ANXA3: variants seen among roughly 807,000 people sequenced by gnomAD.
ANXA3 encodes the protein annexin A3.
A neutral mutation model predicts 48.8 loss-of-function variants in ANXA3; 46 were observed. That is an observed-to-expected ratio of 0.94 (90% CI 0.74 to 1.21). The LOEUF (loss-of-function observed/expected upper bound fraction) is 1.21. Among genes scored for constraint, ANXA3 ranks in the 50% most tolerant of loss-of-function variants. The probability of loss-of-function intolerance (pLI) is 0.00; values close to 1 mark genes in which losing one functional copy is unlikely to be tolerated. For synonymous variants in ANXA3, 128 were observed against 134.7 expected (o/e 0.95, Z 0.35); for missense variants, 383 against 378.6 (o/e 1.01, Z -0.10).
chr4:78,601,114 G>A (rs571862392), intron 10 of ANXA3, among the ~76,000 whole-genome samples: 7 of 152,224 alleles, frequency 4.6e-5, no homozygotes, highest in South Asian at 2.1e-4. Context: ...GAGCAACATC[G>A]CTGCAGTTGT....
At chr4:78,570,480 A>G (rs938154378) in intron 2 of ANXA3, among the ~76,000 whole-genome samples, 6 of 152,192 alleles carry the variant, frequency 3.9e-5, no homozygotes, top group Non-Finnish European at 5.9e-5. Context: ...CTTCTTACAC[A>G]TGTAGAATTT....
Position 78,562,786 on chromosome 4 carries a change from G to C in ANXA3, c.15+8298G>C, listed in dbSNP as rs184507186. On this transcript the variant is annotated intron_variant, in intron 2 of 12. Transcript: ENST00000264908. The stretch of plus-strand genomic sequence containing the variant: ...AGGTGGATAATAAATATGATGGGGG[G>C]TGTGATTTTCTGCTCAGATATAGGA... Among the ~76,000 whole-genome samples, 263 of 152,254 alleles carry C rather than the reference G, an allele frequency of 1.7e-3. 2 individuals carry two copies. Among genetic ancestry groups the C allele is most frequent in the Non-Finnish European group, 6.9e-4 (47 of 68,014 alleles).
At chr4:78,591,851 A>G (rs1723304322) in intron 7 of ANXA3, among the ~76,000 whole-genome samples, 1 of 152,232 alleles carries the variant, frequency 6.6e-6, no homozygotes, top group South Asian at 2.1e-4. Flanking sequence ...TGAGTCAGTA[A>G]GTGGAGGTGT....
intron 12 of ANXA3, among the ~76,000 whole-genome samples, chr4:78,607,196 C>T (rs142926246): frequency 6.6e-6 from 1 of 152,330 alleles, no homozygotes; most frequent in Non-Finnish European, 1.5e-5. Flanking sequence ...TCACTGAAAA[C>T]TTCAGTTTGC....
chr4:78,578,298 C>CGAGAGAGA (rs1220106430), intron 3 of ANXA3, among the ~76,000 whole-genome samples: 4,082 of 46,290 alleles, frequency 0.088, 331 homozygotes, highest in Middle Eastern at 0.16. Flanking sequence ...AGAGAGAGAG[C>CGAGAGAGA]GAGAGAGAGA....
intron 4 of ANXA3, among the ~76,000 whole-genome samples, chr4:78,579,529 A>G (rs182119860): frequency 6.6e-6 from 1 of 152,366 alleles, no homozygotes; most frequent in Admixed American, 6.5e-5. Context: ...GCAGCCCTCC[A>G]CAACAAAGAA....
chr4:78,563,444 A>AT (rs1415022203), intron 2 of ANXA3, among the ~76,000 whole-genome samples: 1 of 152,068 alleles, frequency 6.6e-6, no homozygotes, highest in Non-Finnish European at 1.5e-5. Context: ...CTTCAGGATG[A>AT]TTGGGCGATG....
chr4:78,569,452 C>T (rs1488804640), intron 2 of ANXA3, among the ~76,000 whole-genome samples: 1 of 152,112 alleles, frequency 6.6e-6, no homozygotes, highest in Non-Finnish European at 1.5e-5. Flanking sequence ...GTAAAAATGC[C>T]GACATTCCTG....
chr4:78,591,458 C>A, intron 6 of ANXA3, 86 bp from the exon 7 acceptor site: 1 of 847,860 alleles, frequency 1.2e-6, no homozygotes, highest in Non-Finnish European at 2.0e-6. Flanking sequence ...CCATTCTTTG[C>A]TAGTGTTGGC....
rs57634883 is a variant in ANXA3 at position 78,598,179 on chromosome 4, C to CCACACACA, written c.730+786_730+793dup. Among the ~76,000 whole-genome samples the CCACACACA allele has an allele frequency of 5.4e-3, 785 of 144,756 alleles. 7 individuals are homozygous for CCACACACA. The highest frequency in any genetic ancestry group is 0.019 in the African/African-American group (756 of 39,750). 95.0% of individuals were successfully genotyped at this position (144,756 alleles called of 152,430 possible). On this transcript the variant is annotated intron_variant, in intron 10 of 12. Transcript: ENST00000264908. ...GATCTTGTCTCTTTAATTAAAAAAA[C>CCACACACA]CACACACACACACACACACACACAC... is the stretch of plus-strand genomic sequence containing the variant.
intron 5 of ANXA3, 136 bp from the exon 6 acceptor site, chr4:78,586,124 A>C (rs925908605): frequency 2.1e-6 from 1 of 474,486 alleles, no homozygotes; most frequent in Non-Finnish European, 3.6e-6. Context: ...AAAATAGAAA[A>C]CGAGAGCAAT....
intron 8 of ANXA3, 104 bp downstream of exon 8, chr4:78,595,541 T>G: frequency 5.8e-6 from 2 of 342,504 alleles, no homozygotes; most frequent in Non-Finnish European, 8.7e-6. Context: ...GGGACTTTTC[T>G]TTTTTTTTTT....
chr4:78,563,366 G>T (rs1434746111), intron 2 of ANXA3, among the ~76,000 whole-genome samples: 1 of 152,114 alleles, frequency 6.6e-6, no homozygotes, highest in East Asian at 1.9e-4. Context: ...CAGTGCTGTG[G>T]TCTAAATGTC....
intron 4 of ANXA3, among the ~76,000 whole-genome samples, chr4:78,581,419 T>C (rs1723068576): frequency 6.6e-6 from 1 of 152,206 alleles, no homozygotes; most frequent in Non-Finnish European, 1.5e-5. Context: ...GGCTAAATTC[T>C]AGTGTTCCAT....
chr4:78,590,823 A>G (rs1723276174), intron 6 of ANXA3, among the ~76,000 whole-genome samples: 1 of 146,742 alleles, frequency 6.8e-6, no homozygotes, highest in African/African-American at 2.8e-5. Flanking sequence ...ACAGTGGCTT[A>G]CAAAAGGTAG....
At chr4:78,578,055 G>A (rs1193936469) in intron 3 of ANXA3, among the ~76,000 whole-genome samples, 2 of 151,796 alleles carry the variant, frequency 1.3e-5, no homozygotes, top group Non-Finnish European at 2.9e-5. Flanking sequence ...GAGGCGGGTG[G>A]ATCACCTGAG....
At chr4:78,577,589 AG>A (rs1164062983) in intron 3 of ANXA3, among the ~76,000 whole-genome samples, 5 of 152,340 alleles carry the variant, frequency 3.3e-5, no homozygotes, top group Admixed American at 2.0e-4. Context: ...AGACACAGAA[AG>A]GCAGCATCTT....
At chr4:78,596,606 C>A (rs962804589) in intron 9 of ANXA3, among the ~76,000 whole-genome samples, 2 of 152,096 alleles carry the variant, frequency 1.3e-5, no homozygotes, top group Non-Finnish European at 2.9e-5. Context: ...TGAAATTGTT[C>A]TTTCTTAACT....
intron 2 of ANXA3, chr4:78,571,065 G>A (rs1371202759): frequency 6.6e-6 from 1 of 151,802 alleles, no homozygotes; most frequent in Non-Finnish European, 1.5e-5. Flanking sequence ...AGACTACAGT[G>A]CAGTGACACA....
Sources: allele counts gnomAD v4.1 joint callset (sites outside exome capture counted in the v4.1 genomes callset), GRCh38; gene constraint gnomAD v4.1.1; transcripts MANE v1.5; gene names NCBI Gene and HGNC (gene_info 2026-07-23, HGNC 2026-07-21).